Variants in TUB observed in about 807,000 individuals in gnomAD.
The protein encoded by TUB is TUB bipartite transcription factor, also known as tubby protein homolog.
TUB carries 33 observed loss-of-function variants against 59.7 expected under a neutral mutation model. The observed-to-expected ratio is 0.55, with a 90% CI of 0.42 to 0.74. TUB has a LOEUF of 0.74. Among genes scored for constraint, TUB ranks in the 30% least tolerant of loss-of-function variants. The pLI, the probability that TUB is intolerant of heterozygous loss-of-function variation, is 0.00. For missense variants in TUB, 659 were observed against 672.0 expected (o/e 0.98, Z 0.21); for synonymous variants, 293 against 256.4 (o/e 1.14, Z -1.36).
At chr11:8,082,320 T>C (rs1481417842) in intron 1 of TUB, among the ~76,000 whole-genome samples, 3 of 152,202 alleles carry the variant, frequency 2.0e-5, no homozygotes, top group Non-Finnish European at 2.9e-5. Context: ...TGCCAGGCAC[T>C]GTGGTCTATC....
chr11:8,061,969 C>T (rs1025990127), intron 2 of TUB: 12 of 152,734 alleles, frequency 7.9e-5, no homozygotes, highest in African/African-American at 2.9e-4. Context: ...TGCTCCTCCT[C>T]CTCTGTTCTC....
chr11:8,027,791 A>G lies in TUB; in HGVS notation c.56+8433A>G, dbSNP rs928668954. On this transcript the variant is annotated intron_variant, in intron 1 of 11. Transcript: ENST00000534099. ...CAGCCTCCCCAGGTGCTGGGATTAC[A>G]GGCGTGAGCCACTGTGCACAGCCAG... 5.2e-5 allele frequency among the ~76,000 whole-genome samples: 8 copies of G among 152,382 alleles called. No homozygotes were observed. The East Asian group carries it at 5.8e-4, about 11-fold the overall frequency.
intron 2 of TUB, among the ~76,000 whole-genome samples, chr11:8,039,967 T>G (rs1942720235): frequency 6.6e-6 from 1 of 152,190 alleles, no homozygotes; most frequent in Non-Finnish European, 1.5e-5. Context: ...GATGAGCAGG[T>G]CCAGAGGCCT....
At chr11:8,095,463 C>G (rs1396594029) in intron 4 of TUB, 35 bp from the exon 5 acceptor site, 3 of 1,578,938 alleles carry the variant, frequency 1.9e-6, no homozygotes, top group Non-Finnish European at 2.6e-6. Flanking sequence ...CTCTCCTCCT[C>G]CTGGATGTAA....
At chr11:8,046,232 AC>A (rs1199981336) in intron 2 of TUB, among the ~76,000 whole-genome samples, 1 of 151,962 alleles carries the variant, frequency 6.6e-6, no homozygotes, top group Non-Finnish European at 1.5e-5. Context: ...GCCTTGCACC[AC>A]CTTTTGTCCA....
chr11:8,055,777 G>C (rs1943009867), intron 2 of TUB, among the ~76,000 whole-genome samples: 1 of 152,236 alleles, frequency 6.6e-6, no homozygotes, highest in African/African-American at 2.4e-5. Context: ...AGTCTGGCAA[G>C]GCATAGGAAA....
Position 8,094,121 on chromosome 11 carries a change from C to T in TUB, c.329C>T (p.Thr110Ile), listed in dbSNP as rs371117536. The part of the protein sequence containing the change: ...RPTAPASAKR[T>I]KAAATAGGQG... ...ACAGCACCAGCTTCAGCCAAGAGAA[C>T]CAAGGCGGCAGCTACAGCAGGGGGC... Residue 110 changes from threonine to isoleucine, a missense_variant, in exon 4 of 12, where the codon ACC becomes ATC. Thr to Ile is a moderately conservative substitution (Grantham distance 89). Transcript: ENST00000299506. The T allele has an allele frequency of 1.2e-6, 2 of 1,614,008 alleles. No homozygotes were observed. Among genetic ancestry groups the T allele is most frequent in the African/African-American group, 2.7e-5 (2 of 74,916 alleles).
At chr11:8,049,582 G>GTATATATATATAT in intron 2 of TUB, among the ~76,000 whole-genome samples, 1 of 67,514 alleles carries the variant, frequency 1.5e-5, no homozygotes, top group South Asian at 4.7e-4. Flanking sequence ...TATATATATA[G>GTATATATATATAT]ATAGATAGAT....
intron 2 of TUB, among the ~76,000 whole-genome samples, chr11:8,069,608 C>T (rs1323244923): frequency 6.6e-6 from 1 of 152,028 alleles, no homozygotes; most frequent in African/African-American, 2.4e-5. Context: ...TTTTATTTTC[C>T]TATCTAATGG....
intron 2 of TUB, among the ~76,000 whole-genome samples, chr11:8,049,584 T>G (rs1487533415): frequency 1.4e-4 from 19 of 138,690 alleles, no homozygotes; most frequent in African/African-American, 5.6e-4. Flanking sequence ...TATATATAGA[T>G]AGATAGATAG....
rs543788448 is a variant in TUB at position 8,097,634 on chromosome 11, A to T, written c.886-80A>T. 8.8e-6 allele frequency: 12 copies of T among 1,367,778 alleles called. No homozygotes were observed. The East Asian group carries it at 1.4e-4, about 16-fold the overall frequency. The allele number at this position is 1,367,778 out of a possible 1,614,324, so 84.7% of individuals were successfully genotyped here. A position where few individuals can be genotyped will look rare whatever the true frequency, so the allele number is the denominator to read the frequency against. ...GCGTTTGGGAGCTGACGCAACGGAG[A>T]GAGTCTGTGTGAGTGGCTCTCATGA... On this transcript the variant is annotated intron_variant, in intron 7 of 11. Coordinates refer to ENST00000299506, the MANE Select transcript of TUB (RefSeq NM_177972.3).
chr11:8,034,731 C>T (rs994763174), upstream of TUB, among the ~76,000 whole-genome samples: 3 of 152,220 alleles, frequency 2.0e-5, no homozygotes, highest in South Asian at 6.2e-4. Flanking sequence ...TTGCCAGCTT[C>T]TTCCCTGCCC....
At chr11:8,043,570 T>C (rs991129880) in intron 2 of TUB, among the ~76,000 whole-genome samples, 7 of 152,204 alleles carry the variant, frequency 4.6e-5, no homozygotes, top group Non-Finnish European at 8.8e-5. Flanking sequence ...GATGTCTTCT[T>C]GTTTATTATT....
Position 8,091,915 on chromosome 11 carries a change from A to G in TUB, c.253+1684A>G, listed in dbSNP as rs548137248. On this transcript the variant is annotated intron_variant, in intron 3 of 11. Transcript: ENST00000299506. The stretch of plus-strand genomic sequence containing the variant: ...GTGGCCTGTGGCTGTGTGGCATCAC[A>G]GCCCCAGCTCTGCCAAGCCTGGCAC... 2.6e-5 allele frequency among the ~76,000 whole-genome samples: 4 copies of G among 152,342 alleles called. No individual in the cohort carries two copies. In the East Asian group the frequency reaches 7.7e-4, roughly 29 times the overall value.
intron 1 of TUB, among the ~76,000 whole-genome samples, chr11:8,020,912 A>G (rs913158898): frequency 2.0e-5 from 3 of 152,228 alleles, no homozygotes; most frequent in Non-Finnish European, 4.4e-5. Context: ...GGCGATAAAA[A>G]GATAGAATTT....
At chr11:8,064,702 G>T (rs1358061746) in intron 2 of TUB, among the ~76,000 whole-genome samples, 1 of 152,156 alleles carries the variant, frequency 6.6e-6, no homozygotes, top group African/African-American at 2.4e-5. Flanking sequence ...AGGGTCAGGG[G>T]CATGAAACCC....
chr11:8,093,245 G>T (rs928368229), intron 3 of TUB, among the ~76,000 whole-genome samples: 1 of 152,042 alleles, frequency 6.6e-6, no homozygotes, highest in African/African-American at 2.4e-5. Context: ...GATCACTGAG[G>T]GGGGCGAGGG....
chr11:8,053,791 G>T (rs1942970990), intron 2 of TUB, among the ~76,000 whole-genome samples: 1 of 145,602 alleles, frequency 6.9e-6, no homozygotes, highest in Non-Finnish European at 1.5e-5. Flanking sequence ...GTGAGCCACC[G>T]TGCCCGGCCA....
rs764793142 is a variant in TUB, at chr11:8,101,016, A to G, written c.1387+19A>G. The G allele has an allele frequency of 6.2e-7, 1 of 1,613,616 alleles. No homozygotes were observed. The highest frequency in any genetic ancestry group is 8.5e-7 in the Non-Finnish European group (1 of 1,179,836). ...AATGACCGTGAGTGTTTCTGTCCCT[A>G]CTCATTATGGTCCGTAGGATACCCA... On this transcript the variant is annotated intron_variant, in intron 11 of 11. Transcript: ENST00000299506.
Sources: gnomAD v4.1 joint callset for allele counts (sites outside exome capture counted in the v4.1 genomes callset) on GRCh38, gnomAD v4.1.1 for gene constraint, MANE v1.5 for transcripts, NCBI Gene and HGNC (gene_info 2026-07-23, HGNC 2026-07-21) for gene names.